The following SPIDR variants were observed in gnomAD, a reference collection of about 807,000 sequenced individuals.
SPIDR encodes scaffold protein involved in DNA repair.
In SPIDR, 93 loss-of-function variants were observed where a neutral mutation model predicts 104.6. That is an observed-to-expected ratio of 0.89 (90% CI 0.75 to 1.06). The LOEUF (loss-of-function observed/expected upper bound fraction) is 1.06. SPIDR is among the 50% of genes least tolerant of loss of function. The pLI is 0.00. For synonymous variants in SPIDR, 431 were observed against 416.9 expected (o/e 1.03, Z -0.41); for missense variants, 1,154 against 1,111.2 (o/e 1.04, Z -0.55).
intron 5 of SPIDR, among the ~76,000 whole-genome samples, chr8:47,347,333 C>A (rs1709180188): frequency 6.6e-6 from 1 of 152,136 alleles, no homozygotes; most frequent in Admixed American, 6.5e-5. Flanking sequence ...GATTTCTGTT[C>A]TTTTACATTT....
chr8:47,639,424 G>A (rs2068485099), intron 10 of SPIDR, among the ~76,000 whole-genome samples: 1 of 152,214 alleles, frequency 6.6e-6, no homozygotes, highest in African/African-American at 2.4e-5. Flanking sequence ...CTCTCAGAGA[G>A]ATACATTATT....
intron 8 of SPIDR, among the ~76,000 whole-genome samples, chr8:47,589,706 A>T (rs2060759192): frequency 6.6e-6 from 1 of 152,092 alleles, no homozygotes; most frequent in South Asian, 2.1e-4. Context: ...TAGCCTTGTG[A>T]TATGTACAGG....
intron 8 of SPIDR, among the ~76,000 whole-genome samples, chr8:47,471,360 G>C (rs2075683892): frequency 6.9e-6 from 1 of 144,284 alleles, no homozygotes; most frequent in Non-Finnish European, 1.5e-5. Context: ...GTTCAAAAAT[G>C]AGCAAAGGAC....
At chr8:47,310,348 A>G (rs1478517664) in intron 5 of SPIDR, among the ~76,000 whole-genome samples, 2 of 151,740 alleles carry the variant, frequency 1.3e-5, no homozygotes, top group Non-Finnish European at 2.9e-5. Flanking sequence ...AAAAAAAAAA[A>G]AAAAAGTCAC....
intron 5 of SPIDR, among the ~76,000 whole-genome samples, chr8:47,322,183 A>C (rs1554596442): frequency 6.6e-6 from 1 of 152,186 alleles, no homozygotes. Flanking sequence ...GAAAATTTTT[A>C]CAGTCTGCTC....
intron 5 of SPIDR, among the ~76,000 whole-genome samples, chr8:47,377,784 A>C (rs782017416): frequency 1.3e-5 from 2 of 152,224 alleles, no homozygotes; most frequent in Non-Finnish European, 2.9e-5. Context: ...GGCCGCGTCA[A>C]GGGCCAGTCA....
intron 5 of SPIDR, among the ~76,000 whole-genome samples, chr8:47,356,397 G>T (rs564340375): frequency 6.6e-6 from 1 of 152,054 alleles, no homozygotes; most frequent in East Asian, 1.9e-4. Context: ...CATCAATATC[G>T]ACGCATTCCT....
At chr8:47,593,433 C>T (rs1564422411) in intron 8 of SPIDR, among the ~76,000 whole-genome samples, 1 of 151,970 alleles carries the variant, frequency 6.6e-6, no homozygotes, top group African/African-American at 2.4e-5. Flanking sequence ...CTTATTAAAG[C>T]TTTTTTAAAT....
chr8:47,385,803 G>A (rs185229492), intron 5 of SPIDR, among the ~76,000 whole-genome samples: 341 of 151,856 alleles, frequency 2.2e-3, no homozygotes, highest in Admixed American at 4.0e-3. Context: ...TTTCTTTTTT[G>A]TCCTCTTTTG....
At chr8:47,464,934 A>G (rs1415146777) in intron 8 of SPIDR, among the ~76,000 whole-genome samples, 1 of 151,826 alleles carries the variant, frequency 6.6e-6, no homozygotes, top group Non-Finnish European at 1.5e-5. Context: ...ACACCTGGCT[A>G]ATTTTTGTAT....
At chr8:47,615,989 G>A (rs927304853) in intron 10 of SPIDR, among the ~76,000 whole-genome samples, 4 of 151,826 alleles carry the variant, frequency 2.6e-5, no homozygotes, top group Admixed American at 6.6e-5. Context: ...TTCATTGCTA[G>A]TGTATAAAAA....
chr8:47,583,165 G>A (rs973317578), intron 8 of SPIDR, among the ~76,000 whole-genome samples: 1 of 151,860 alleles, frequency 6.6e-6, no homozygotes, highest in Non-Finnish European at 1.5e-5. Context: ...AATTAGCCGG[G>A]CGTGGTGGCG....
chr8:47,345,763 T>C (rs1251569071), intron 5 of SPIDR, among the ~76,000 whole-genome samples: 3 of 127,028 alleles, frequency 2.4e-5, no homozygotes, highest in South Asian at 2.3e-4. Flanking sequence ...GGCTGTCTGT[T>C]TGTCTCTTAT....
intron 10 of SPIDR, among the ~76,000 whole-genome samples, chr8:47,621,536 G>C (rs1258838763): frequency 6.6e-6 from 1 of 152,196 alleles, no homozygotes; most frequent in Non-Finnish European, 1.5e-5. Flanking sequence ...GAGCGTCTTT[G>C]AAGGAAGGGG....
At chr8:47,407,289 C>T (rs1165398648) in intron 6 of SPIDR, among the ~76,000 whole-genome samples, 4 of 152,014 alleles carry the variant, frequency 2.6e-5, no homozygotes, top group African/African-American at 9.7e-5. Context: ...GTGATTGATA[C>T]TCAAATATCT....
chr8:47,608,950 A>C (rs2063305015), intron 10 of SPIDR, among the ~76,000 whole-genome samples: 1 of 152,190 alleles, frequency 6.6e-6, no homozygotes, highest in South Asian at 2.1e-4. Context: ...GATGGTCTCT[A>C]TCTCTCGACC....
intron 10 of SPIDR, among the ~76,000 whole-genome samples, chr8:47,671,383 G>T (rs1041518027): frequency 1.3e-5 from 2 of 151,972 alleles, no homozygotes; most frequent in Non-Finnish European, 2.9e-5. Flanking sequence ...CCAGGAATTC[G>T]AGACCAGCCT....
intron 8 of SPIDR, among the ~76,000 whole-genome samples, chr8:47,591,156 G>A (rs2060961188): frequency 6.7e-6 from 1 of 149,726 alleles, no homozygotes; most frequent in Admixed American, 6.6e-5. Context: ...TGATACATTA[G>A]GGCTTAAGTG....
chr8:47,348,487 G>A (rs1421258028), intron 5 of SPIDR, among the ~76,000 whole-genome samples: 3 of 152,178 alleles, frequency 2.0e-5, no homozygotes, highest in African/African-American at 7.2e-5. Context: ...GATTTTGAAT[G>A]TTGACCTGCC....
Sources: gnomAD v4.1 joint callset for allele counts (sites outside exome capture counted in the v4.1 genomes callset) on GRCh38, gnomAD v4.1.1 for gene constraint, MANE v1.5 for transcripts, NCBI Gene and HGNC (gene_info 2026-07-23, HGNC 2026-07-21) for gene names.